The following THSD7B variants were observed in gnomAD, a reference collection of about 807,000 sequenced individuals.
THSD7B encodes thrombospondin type-1 domain-containing protein 7B.
In THSD7B, 138 loss-of-function variants were observed where a neutral mutation model predicts 213.6. The observed-to-expected ratio is 0.65, with a 90% CI of 0.56 to 0.74. THSD7B has a LOEUF of 0.74. THSD7B is among the 30% of genes least tolerant of loss of function. The pLI, the probability that THSD7B is intolerant of heterozygous loss-of-function variation, is 0.00. For missense variants in THSD7B, 1,931 were observed against 1,991.5 expected (o/e 0.97, Z 0.58); for synonymous variants, 742 against 687.0 (o/e 1.08, Z -1.25).
At chr2:137,020,781 C>A (rs79219327) in intron 2 of THSD7B, among the ~76,000 whole-genome samples, 1 of 152,128 alleles carries the variant, frequency 6.6e-6, no homozygotes, top group African/African-American at 2.4e-5. Context: ...AGCAGGGCAT[C>A]GACTTTTTTG....
At chr2:137,153,669 C>A (rs539688166) in intron 5 of THSD7B, among the ~76,000 whole-genome samples, 1 of 152,220 alleles carries the variant, frequency 6.6e-6, no homozygotes, top group South Asian at 2.1e-4. Flanking sequence ...AGGAAAATGG[C>A]TTTATGGTTA....
chr2:137,480,423 G>T, intron 15 of THSD7B, among the ~76,000 whole-genome samples: 1 of 152,210 alleles, frequency 6.6e-6, no homozygotes, highest in South Asian at 2.1e-4. Flanking sequence ...AACTCATTTT[G>T]ATTTATAGTA....
At chr2:137,420,036 T>C (rs892642257) in intron 14 of THSD7B, among the ~76,000 whole-genome samples, 1 of 152,194 alleles carries the variant, frequency 6.6e-6, no homozygotes, top group Non-Finnish European at 1.5e-5. Context: ...TTATTCATAA[T>C]GATTATACTA....
intron 15 of THSD7B, among the ~76,000 whole-genome samples, chr2:137,504,382 G>A (rs1002984666): frequency 2.0e-5 from 3 of 152,126 alleles, no homozygotes; most frequent in African/African-American, 7.2e-5. Flanking sequence ...TCTAATCTAA[G>A]ACCTACTCAT....
chr2:137,450,953 G>T lies in THSD7B; in HGVS notation c.3068G>T (p.Arg1023Leu), dbSNP rs201581181. The T allele has an allele frequency of 6.2e-7, 1 of 1,612,688 alleles. No individual in the cohort carries two copies. Residue 1023 changes from arginine to leucine, a missense_variant, in exon 15 of 28, where the codon CGA becomes CTA. Coordinates refer to ENST00000409968, the MANE Select transcript of THSD7B (RefSeq NM_001316349.2). ...SSSCGIGVRI[R>L]SKWLKEKPYN... Reference sequence around the variant, plus strand: ...TCTTGTGGAATTGGAGTGAGAATTCGATCCAAATGGCTAAAAGAAAAACCT... The same window carrying T: ...TCTTGTGGAATTGGAGTGAGAATTCTATCCAAATGGCTAAAAGAAAAACCT...
At chr2:137,076,827 A>C (rs1454093430) in intron 3 of THSD7B, among the ~76,000 whole-genome samples, 3 of 151,518 alleles carry the variant, frequency 2.0e-5, no homozygotes. Flanking sequence ...GTTTTTTTTT[A>C]ATCTTTTTTT....
At chr2:137,496,505 G>A (rs1573662381) in intron 15 of THSD7B, among the ~76,000 whole-genome samples, 1 of 152,094 alleles carries the variant, frequency 6.6e-6, no homozygotes. Context: ...ACTCTCAAAT[G>A]TATAGCCAGC....
At chr2:137,148,064 A>T (rs1328666001) in intron 5 of THSD7B, among the ~76,000 whole-genome samples, 1 of 152,058 alleles carries the variant, frequency 6.6e-6, no homozygotes, top group Admixed American at 6.6e-5. Context: ...ATAATCCCCA[A>T]GTGTCATGGG....
At chr2:137,075,774 T>C (rs547461270) in intron 3 of THSD7B, among the ~76,000 whole-genome samples, 1 of 152,308 alleles carries the variant, frequency 6.6e-6, no homozygotes, top group East Asian at 1.9e-4. Flanking sequence ...GGTGTGGATG[T>C]CCTTTCTGTG....
At chr2:136,965,683 A>G (rs961271667) in intron 2 of THSD7B, among the ~76,000 whole-genome samples, 2 of 152,024 alleles carry the variant, frequency 1.3e-5, no homozygotes, top group African/African-American at 4.8e-5. Context: ...CCCTCCTACT[A>G]TTTATCTTAC....
chr2:137,347,774 A>T (rs558347069), intron 12 of THSD7B, among the ~76,000 whole-genome samples: 39 of 151,620 alleles, frequency 2.6e-4, no homozygotes, highest in African/African-American at 9.2e-4. Flanking sequence ...TTCTATGCTT[A>T]GGATATAAAC....
At chr2:136,866,810 A>T (rs1683341650) in intron 1 of THSD7B, among the ~76,000 whole-genome samples, 2 of 152,188 alleles carry the variant, frequency 1.3e-5, no homozygotes, top group Admixed American at 6.5e-5. Flanking sequence ...TGTAATGTTG[A>T]TGGGATGAAT....
intron 12 of THSD7B, among the ~76,000 whole-genome samples, chr2:137,352,061 T>C (rs1479230247): frequency 6.6e-6 from 1 of 151,824 alleles, no homozygotes; most frequent in East Asian, 1.9e-4. Flanking sequence ...AGCCAAAAGA[T>C]TGGACACCTC....
At chr2:136,889,248 G>T (rs1223588114) in intron 2 of THSD7B, among the ~76,000 whole-genome samples, 1 of 152,068 alleles carries the variant, frequency 6.6e-6, no homozygotes, top group African/African-American at 2.4e-5. Context: ...CTTATAACAA[G>T]ATATTATAGT....
intron 15 of THSD7B, among the ~76,000 whole-genome samples, chr2:137,517,173 A>C (rs1316350233): frequency 6.6e-6 from 1 of 152,246 alleles, no homozygotes; most frequent in Non-Finnish European, 1.5e-5. Flanking sequence ...TGGCAAGGCC[A>C]GCAATATACC....
At chr2:137,260,085 G>A (rs150464254) in intron 10 of THSD7B, among the ~76,000 whole-genome samples, 7 of 152,072 alleles carry the variant, frequency 4.6e-5, no homozygotes, top group Admixed American at 3.9e-4. Context: ...TGCTATTTTA[G>A]GCATGGATTT....
intron 2 of THSD7B, among the ~76,000 whole-genome samples, chr2:136,991,993 G>C (rs896411812): frequency 2.6e-5 from 4 of 152,150 alleles, no homozygotes; most frequent in African/African-American, 9.7e-5. Context: ...AAAAATTACA[G>C]AGTCCCCTTC....
chr2:137,024,225 A>C (rs1686501641), intron 2 of THSD7B, among the ~76,000 whole-genome samples: 1 of 152,152 alleles, frequency 6.6e-6, no homozygotes, highest in African/African-American at 2.4e-5. Context: ...TCTCCTCAGG[A>C]GAATGGGGGA....
chr2:136,787,853 A>G (rs887652498), intron 1 of THSD7B, among the ~76,000 whole-genome samples: 5 of 151,642 alleles, frequency 3.3e-5, no homozygotes, highest in African/African-American at 1.2e-4. Context: ...CCCTAATGCT[A>G]TTTTCTCCTT....
Sources: gnomAD v4.1 joint callset for allele counts (sites outside exome capture counted in the v4.1 genomes callset) on GRCh38, gnomAD v4.1.1 for gene constraint, MANE v1.5 for transcripts, NCBI Gene and HGNC (gene_info 2026-07-23, HGNC 2026-07-21) for gene names.